The following ACAP3 variants were observed in gnomAD, a reference collection of about 807,000 sequenced individuals.
ACAP3 encodes arf-GAP with coiled-coil, ANK repeat and PH domain-containing protein 3.
In ACAP3, 56 loss-of-function variants were observed where a neutral mutation model predicts 104.1. The observed-to-expected ratio is 0.54, with a 90% CI of 0.43 to 0.67. The LOEUF (loss-of-function observed/expected upper bound fraction) is 0.67. Ranked by LOEUF, ACAP3 falls within the 30% of genes least tolerant of loss-of-function variation. ACAP3 has a pLI of 0.00. For missense variants in ACAP3, 1,208 were observed against 1,174.9 expected (o/e 1.03, Z -0.41); for synonymous variants, 628 against 496.2 (o/e 1.27, Z -3.53).
In ACAP3 at chr1:1,303,344, C is replaced by T. The variant is rs956775638; in HGVS notation, c.106-63G>A. 7.4e-5 allele frequency: 114 copies of T among 1,535,464 alleles called. No individual in the cohort carries two copies. The African/African-American group carries it at 1.2e-3, about 16-fold the overall frequency. On this transcript the variant is annotated intron_variant, in intron 2 of 23. Coordinates refer to ENST00000354700, the MANE Select transcript of ACAP3 (RefSeq NM_030649.3). The surrounding 1 kb of genome is among the most constrained non-coding windows in gnomAD (Gnocchi z 4.0). ...TGGCGCCTGCACTCGCCACCACACA[C>T]GGCCACTCAGAGGCAGGAAGAGCTC...
rs759424282 is a variant in ACAP3 at position 1,300,595 on chromosome 1, G to A, written c.436C>T (p.Arg146Trp). Residue 146 changes from arginine to tryptophan, a missense_variant, in exon 6 of 24, where the codon CGG (arginine) becomes TGG (tryptophan). By Grantham distance (101) the Arg-to-Trp change is moderately radical (BLOSUM62 -3). Coordinates refer to ENST00000354700, the MANE Select transcript of ACAP3 (RefSeq NM_030649.3). ...LVRNAQAPRH[R>W]PHEVEEATGA... ...GTGGCTTCCTCCACCTCGTGGGGCC[G>A]GTGCCTCGGGGCCTGGGCGTTCCTC... The A allele has an allele frequency of 3.1e-6, 5 of 1,609,634 alleles. No individual in the cohort carries two copies. The highest frequency in any genetic ancestry group is 1.3e-5 in the African/African-American group (1 of 74,694).
Position 1,303,977 on chromosome 1 carries a change from C to T in ACAP3, c.105+109G>A, listed in dbSNP as rs1641568580. 4.5e-6 allele frequency: 6 copies of T among 1,337,080 alleles called. No homozygotes were observed. Among genetic ancestry groups the T allele is most frequent in the Non-Finnish European group, 6.2e-6 (6 of 966,546 alleles). 82.8% of individuals were successfully genotyped at this position (1,337,080 alleles called of 1,614,324 possible). A position where few individuals can be genotyped will look rare whatever the true frequency, so the allele number is the denominator to read the frequency against. The stretch of plus-strand genomic sequence containing the variant: ...CAGGACCTGGAGCACCACACGCATG[C>T]TCCACATATGGGGGGTGTAAGTGGC... On this transcript the variant is annotated intron_variant, in intron 2 of 23. Transcript: ENST00000354700. The surrounding 1 kb of genome is among the most constrained non-coding windows in gnomAD (Gnocchi z 4.0).
At chr1:1,301,789 C>G in intron 5 of ACAP3, 199 bp downstream of exon 5, 1 of 436,346 alleles carries the variant, frequency 2.3e-6, no homozygotes, top group Non-Finnish European at 4.1e-6. Flanking sequence ...GGGGGCTGGA[C>G]ACCCCACCCA....
At chr1:1,296,781 A>C in intron 14 of ACAP3, 148 bp from the exon 15 acceptor site, 1 of 813,844 alleles carries the variant, frequency 1.2e-6, no homozygotes, top group Non-Finnish European at 1.9e-6. Context: ...GCACACCCTC[A>C]CGTGGGCAGA....
intron 5 of ACAP3, 31 bp from the exon 6 acceptor site, chr1:1,300,723 A>T (rs374513084): frequency 4.4e-6 from 7 of 1,589,244 alleles, no homozygotes; most frequent in Non-Finnish European, 6.0e-6. Flanking sequence ...GGGGTGAGAG[A>T]TCAGGGAGGG....
intron 18 of ACAP3, 43 bp downstream of exon 18, chr1:1,295,693 C>T: frequency 6.4e-7 from 1 of 1,568,856 alleles, no homozygotes; most frequent in Non-Finnish European, 8.6e-7. Flanking sequence ...CATCCCCGAC[C>T]AAGGCAAGCC....
In ACAP3 at chr1:1,294,736, C is replaced by G. The variant is rs373987414; in HGVS notation, c.1894G>C (p.Asp632His). 1.9e-5 allele frequency: 29 copies of G among 1,549,692 alleles called. No homozygotes were observed. Among genetic ancestry groups the G allele is most frequent in the South Asian group, 3.6e-5 (3 of 84,064 alleles). The change falls in exon 20 of 24, where the codon GAC becomes CAC. Residue 632 changes from aspartate (D) to histidine (H), a missense_variant. Physicochemically the swap from Asp to His is moderately conservative, Grantham distance 81. Coordinates refer to ENST00000354700, the MANE Select transcript of ACAP3 (RefSeq NM_030649.3). ...CACCCACCCTCCTCAGTGACGCTGT[C>G]CACCACAGAGCCCGAGCCGAAAGCC... Reference protein sequence around the residue: ...VLAFGSGSVVDSVTEEEGAES... With the variant: ...VLAFGSGSVVHSVTEEEGAES...
rs1641329657 is a variant in ACAP3 at position 1,299,135 on chromosome 1, A to G, written c.750+210T>C. On this transcript the variant is annotated intron_variant, in intron 10 of 23. Coordinates refer to ENST00000354700, the MANE Select transcript of ACAP3 (RefSeq NM_030649.3). ...GGCGGCCACCTGCTCCCCAGGCCAC[A>G]TGGGATGGGAAGGGACAGCTGCCGC... is the stretch of plus-strand genomic sequence containing the variant. 1.2e-5 allele frequency: 8 copies of G among 647,300 alleles called. No homozygotes were observed. The South Asian group carries it at 1.4e-4, about 11-fold the overall frequency. 40.1% of individuals were successfully genotyped at this position (647,300 alleles called of 1,614,324 possible). A position where few individuals can be genotyped will look rare whatever the true frequency, so the allele number is the denominator to read the frequency against.
chr1:1,296,498 C>G lies in ACAP3; in HGVS notation c.1264G>C (p.Gly422Arg). ...VAGNSQCGDCGQPDPRWASIN... is the reference protein window; with the variant it reads ...VAGNSQCGDCRQPDPRWASIN... ...CTGGCCCAGCGGGGGTCCGGCTGGC[C>G]GCAGTCGCCGCACTGGCTGTTGCCG... is the stretch of plus-strand genomic sequence containing the variant. The change falls in exon 15 of 24, where the codon GGC becomes CGC. Residue 422 changes from glycine (G) to arginine (R), a missense_variant. Gly to Arg is a moderately radical substitution (Grantham distance 125, BLOSUM62 -2). Coordinates refer to ENST00000354700, the MANE Select transcript of ACAP3 (RefSeq NM_030649.3). 5 of 1,542,128 alleles carry G rather than the reference C, an allele frequency of 3.2e-6. No homozygotes were observed. Among genetic ancestry groups the G allele is most frequent in the Non-Finnish European group, 4.4e-6 (5 of 1,146,780 alleles).
In ACAP3 at chr1:1,296,272, C is replaced by A; in HGVS notation, c.1346G>T (p.Gly449Val). The A allele has an allele frequency of 6.4e-7, 1 of 1,558,102 alleles. No homozygotes were observed. The highest frequency in any genetic ancestry group is 1.2e-5 in the South Asian group (1 of 85,000). ...IECSGIHRSL[G>V]VHCSKVRSLT... Reference sequence around the variant, plus strand: ...GGACCGCACCTTGGAGCAGTGGACACCCAGGCTCCTGGAGAGCAGAGGTAG... The same window carrying A: ...GGACCGCACCTTGGAGCAGTGGACAACCAGGCTCCTGGAGAGCAGAGGTAG... Residue 449 changes from glycine (G) to valine (V), a missense_variant, in exon 16 of 24, where the codon GGT (glycine) becomes GTT (valine). Coordinates refer to ENST00000354700, the MANE Select transcript of ACAP3 (RefSeq NM_030649.3).
chr1:1,304,167 G>A (rs1455189258), intron 1 of ACAP3, 24 bp from the exon 2 acceptor site: 3 of 1,550,260 alleles, frequency 1.9e-6, no homozygotes, highest in East Asian at 2.4e-5. Context: ...GGGGCTGGCT[G>A]GGGTCACCTG....
At chr1:1,295,614 AG>A in intron 18 of ACAP3, 60 bp from the exon 19 acceptor site, 5 of 1,580,350 alleles carry the variant, frequency 3.2e-6, no homozygotes, top group Non-Finnish European at 4.3e-6. Flanking sequence ...AGGGAACCCC[AG>A]GTCACGCCGG....
Position 1,293,493 on chromosome 1 carries a change from GGGCGCCAGGGACTTC to G in ACAP3, c.*56_*70del. 1 of 1,333,450 alleles carries G rather than the reference GGGCGCCAGGGACTTC, an allele frequency of 7.5e-7. No individual in the cohort carries two copies. Among genetic ancestry groups the G allele is most frequent in the Non-Finnish European group, 9.6e-7 (1 of 1,047,094 alleles). 82.6% of individuals were successfully genotyped at this position (1,333,450 alleles called of 1,614,324 possible). A position where few individuals can be genotyped will look rare whatever the true frequency, so the allele number is the denominator to read the frequency against. On this transcript the variant is annotated 3_prime_UTR_variant, in exon 24 of 24. Coordinates refer to ENST00000354700, the MANE Select transcript of ACAP3 (RefSeq NM_030649.3). The stretch of plus-strand genomic sequence containing the variant: ...GTCACACGCAGGGCCGCGGCCGGGT[GGGCGCCAGGGACTTC>G]GGGGCATGCGGGGCGTCGGGCCGGG...
rs758685858 is a variant in ACAP3, at chr1:1,302,957, C to G, written c.244G>C (p.Ala82Pro). 6.2e-7 allele frequency: 1 copy of G among 1,611,200 alleles called. No individual in the cohort carries two copies. Among genetic ancestry groups the G allele is most frequent in the African/African-American group, 1.3e-5 (1 of 74,856 alleles). Residue 82 changes from alanine (A) to proline (P), a missense_variant, in exon 4 of 24, where the codon GCT (alanine) becomes CCT (proline). Coordinates refer to ENST00000354700, the MANE Select transcript of ACAP3 (RefSeq NM_030649.3). ...TVISECLQRF[A>P]DSLQEVVNYH... ...TTCACCACCTCCTGTAGGCTGTCAG[C>G]GAACCTCTGCAGACATTCCTGGAGG... is the stretch of plus-strand genomic sequence containing the variant.
At chr1:1,296,717 A>G (rs1024623992) in intron 14 of ACAP3, 84 bp from the exon 15 acceptor site, 19 of 1,407,856 alleles carry the variant, frequency 1.3e-5, no homozygotes, top group Non-Finnish European at 1.6e-5. Flanking sequence ...CAGCCAGAAG[A>G]GCCAATGCAG....
intron 1 of ACAP3, 177 bp from the exon 2 acceptor site, chr1:1,304,320 C>T (rs1641586759): frequency 5.7e-6 from 4 of 697,668 alleles, no homozygotes; most frequent in South Asian, 5.6e-5. Context: ...CAGTGCACTT[C>T]CCCCCGCCCC....
rs756339330 is a variant in ACAP3, at chr1:1,298,113, C to A, written c.916G>T (p.Asp306Tyr). ...SQLVYQKKLK[D>Y]ALTVVVDDLR... ...TCATCCACCACCACGGTGAGGGCAT[C>A]CTGTGGGCGGCACCGCTGTGGCCCC... Residue 306 changes from aspartate (D) to tyrosine (Y), a missense_variant and splice_region_variant, in exon 13 of 24, where the codon GAT becomes TAT. By Grantham distance (160) the Asp-to-Tyr change is radical. Coordinates refer to ENST00000354700, the MANE Select transcript of ACAP3 (RefSeq NM_030649.3). The A allele has an allele frequency of 6.2e-7, 1 of 1,604,888 alleles. No individual in the cohort carries two copies. Among genetic ancestry groups the A allele is most frequent in the South Asian group, 1.1e-5 (1 of 89,836 alleles).
At chr1:1,307,336 C>T (rs1641777479) in intron 1 of ACAP3, 1 of 1,289,622 alleles carries the variant, frequency 7.8e-7, no homozygotes, top group Non-Finnish European at 1.0e-6. Flanking sequence ...AAGCACCCTA[C>T]CCCAGGCCTT....
intron 6 of ACAP3, 95 bp from the exon 7 acceptor site, chr1:1,300,297 C>T: frequency 2.8e-6 from 4 of 1,438,548 alleles, no homozygotes; most frequent in Non-Finnish European, 3.7e-6. Flanking sequence ...CTTGTGGTTC[C>T]CTGAGACCCC....
Sources: allele counts gnomAD v4.1 joint callset, GRCh38; gene constraint gnomAD v4.1.1; non-coding constraint Gnocchi (gnomAD v3.1); transcripts MANE v1.5; gene names NCBI Gene and HGNC (gene_info 2026-07-23, HGNC 2026-07-21).